KCNMA1: variants seen among roughly 807,000 people sequenced by gnomAD.
The protein encoded by KCNMA1 is potassium calcium-activated channel subfamily M alpha 1.
KCNMA1 carries 29 observed loss-of-function variants against 140.0 expected under a neutral mutation model. The ratio of observed to expected loss-of-function variants is 0.21; its 90% CI spans 0.15 to 0.28. The LOEUF (loss-of-function observed/expected upper bound fraction) is 0.28. Ranked by LOEUF, KCNMA1 falls within the 10% of genes least tolerant of loss-of-function variation. KCNMA1 has a pLI of 1.00. For synonymous variants in KCNMA1, 612 were observed against 611.9 expected (o/e 1.00, Z 0.00); for missense variants, 880 against 1,602.2 (o/e 0.55, Z 7.70).
intron 1 of KCNMA1, chr10:77,498,902 T>A (rs147940624): frequency 6.6e-6 from 1 of 152,286 alleles, no homozygotes; most frequent in African/African-American, 2.4e-5. Context: ...TGAAACTGGC[T>A]GGACCTGAGT....
chr10:77,561,436 A>C (rs2066358586), intron 1 of KCNMA1, among the ~76,000 whole-genome samples: 1 of 152,168 alleles, frequency 6.6e-6, no homozygotes. Flanking sequence ...AAGAAAGGCT[A>C]CCTGACATGC....
chr10:77,633,956 C>T (rs1439508961), intron 1 of KCNMA1, among the ~76,000 whole-genome samples: 1 of 152,218 alleles, frequency 6.6e-6, no homozygotes, highest in Admixed American at 6.5e-5. Flanking sequence ...TAGGGAACTG[C>T]AAAACACATT....
At chr10:77,244,063 T>G (rs2057994554) in intron 3 of KCNMA1, among the ~76,000 whole-genome samples, 1 of 152,218 alleles carries the variant, frequency 6.6e-6, no homozygotes, top group Non-Finnish European at 1.5e-5. Flanking sequence ...AGACAATATA[T>G]ACTTTGCTAT....
At chr10:77,567,926 TAC>T (rs1454906638) in intron 1 of KCNMA1, among the ~76,000 whole-genome samples, 3 of 152,192 alleles carry the variant, frequency 2.0e-5, no homozygotes, top group Non-Finnish European at 2.9e-5. Context: ...ACCCTGTCTC[TAC>T]AAAAAGTACA....
chr10:77,221,956 G>C (rs1381515152), intron 3 of KCNMA1, among the ~76,000 whole-genome samples: 1 of 152,220 alleles, frequency 6.6e-6, no homozygotes, highest in East Asian at 1.9e-4. Flanking sequence ...CATGAATTTA[G>C]ACAAATGTCA....
chr10:77,403,947 A>G lies in KCNMA1; in HGVS notation c.455T>C (p.Val152Ala). The change falls in exon 2 of 28, where the codon GTG (valine) becomes GCG (alanine). Residue 152 changes from valine (V) to alanine (A), a missense_variant. Val to Ala is a moderately conservative substitution (Grantham distance 64). Transcript: ENST00000286628. ...GGTCATCCAGCCGACCTCGGCGGCC[A>G]CTGCCTCCTCTTTTTCATCCACTGG... ...LKPVDEKEEA[V>A]AAEVGWMTSV... 3.7e-6 allele frequency: 6 copies of G among 1,614,196 alleles called. No individual in the cohort carries two copies. Among genetic ancestry groups the G allele is most frequent in the East Asian group, 2.2e-5 (1 of 44,860 alleles).
At chr10:77,411,122 C>T (rs772443660) in intron 1 of KCNMA1, among the ~76,000 whole-genome samples, 2 of 152,198 alleles carry the variant, frequency 1.3e-5, no homozygotes, top group Non-Finnish European at 2.9e-5. Context: ...CCTGTCTCAG[C>T]CTCCTGAGTG....
intron 6 of KCNMA1, among the ~76,000 whole-genome samples, chr10:77,117,079 C>T (rs1206978601): frequency 6.6e-6 from 1 of 152,120 alleles, no homozygotes; most frequent in Non-Finnish European, 1.5e-5. Flanking sequence ...CTCCCAAAAC[C>T]ATATTGGTTA....
chr10:77,230,567 G>A (rs1369568501), intron 3 of KCNMA1, among the ~76,000 whole-genome samples: 2 of 152,286 alleles, frequency 1.3e-5, no homozygotes, highest in African/African-American at 4.8e-5. Context: ...TGTCCAGTGC[G>A]GAATTACATA....
At chr10:77,195,053 ATTGTTGTTG>A (rs749213984) in intron 3 of KCNMA1, among the ~76,000 whole-genome samples, 22 of 150,924 alleles carry the variant, frequency 1.5e-4, no homozygotes, top group Non-Finnish European at 1.5e-5. Flanking sequence ...TGTTGTTGTT[ATTGTTGTTG>A]TTGTTGTTGA....
chr10:77,327,121 C>A (rs1216408550), intron 2 of KCNMA1, among the ~76,000 whole-genome samples: 1 of 152,034 alleles, frequency 6.6e-6, no homozygotes, highest in African/African-American at 2.4e-5. Flanking sequence ...CCCCTCCTAG[C>A]AGTGGGTTAG....
chr10:77,616,004 C>T (rs1288854670), intron 1 of KCNMA1, among the ~76,000 whole-genome samples: 1 of 152,106 alleles, frequency 6.6e-6, no homozygotes, highest in East Asian at 1.9e-4. Context: ...CACAGTTTAC[C>T]AATGAAGAAA....
intron 1 of KCNMA1, chr10:77,586,196 C>T (rs2077231872): frequency 6.6e-6 from 1 of 152,210 alleles, no homozygotes; most frequent in Admixed American, 6.5e-5. Flanking sequence ...ACTGGAGAGA[C>T]TCTGTGCCAG....
chr10:76,887,827 A>G, intron 27 of KCNMA1: 1 of 392,544 alleles, frequency 2.5e-6, no homozygotes, highest in Non-Finnish European at 4.8e-6. Context: ...ACTTTCAAGT[A>G]GCCCAACCGC....
At chr10:77,148,027 T>C (rs10824492) in intron 5 of KCNMA1, among the ~76,000 whole-genome samples, 66,342 of 151,110 alleles carry the variant, frequency 0.44, 15,227 homozygotes, top group Non-Finnish European at 0.49. Context: ...TGTAAGGAGG[T>C]GCTCCTTTTG....
At chr10:77,335,851 C>G (rs6480861) in intron 2 of KCNMA1, among the ~76,000 whole-genome samples, 1 of 152,040 alleles carries the variant, frequency 6.6e-6, no homozygotes, top group African/African-American at 2.4e-5. Context: ...AACTCAAGCC[C>G]GGTCAGGTCT....
At chr10:77,616,065 A>G (rs2089351305) in intron 1 of KCNMA1, among the ~76,000 whole-genome samples, 1 of 152,244 alleles carries the variant, frequency 6.6e-6, no homozygotes, top group Non-Finnish European at 1.5e-5. Context: ...AGCTAATGCA[A>G]GGTAGAGCCA....
At chr10:76,956,851 G>A (rs537338278) in intron 20 of KCNMA1, among the ~76,000 whole-genome samples, 3 of 152,124 alleles carry the variant, frequency 2.0e-5, no homozygotes, top group Non-Finnish European at 2.9e-5. Context: ...GGCCGGGCGT[G>A]GTGGCTCAGG....
chr10:77,483,564 C>T (rs2098426891), intron 1 of KCNMA1, among the ~76,000 whole-genome samples: 2 of 152,208 alleles, frequency 1.3e-5, no homozygotes, highest in African/African-American at 4.8e-5. Flanking sequence ...TCTACAGACA[C>T]CTCACTGGGC....
Sources: allele counts gnomAD v4.1 joint callset (sites outside exome capture counted in the v4.1 genomes callset), GRCh38; gene constraint gnomAD v4.1.1; transcripts MANE v1.5; gene names NCBI Gene and HGNC (gene_info 2026-07-23, HGNC 2026-07-21).